FHL1: variants seen among roughly 807,000 people sequenced by gnomAD.
FHL1 encodes four and a half LIM domains 1, also known as four and a half LIM domains protein 1.
Under a neutral mutation model 20.3 loss-of-function variants are expected in FHL1, and 1 was observed. That is an observed-to-expected ratio of 0.05 (90% CI 0.02 to 0.23). FHL1 has a LOEUF of 0.23. Ranked by LOEUF, FHL1 falls within the 10% of genes least tolerant of loss-of-function variation. The pLI, the probability that FHL1 is intolerant of heterozygous loss-of-function variation, is 1.00. For missense variants in FHL1, 177 were observed against 234.0 expected, an observed-to-expected ratio of 0.76 and a Z score of 1.59; for synonymous variants, 82 against 88.9, an observed-to-expected ratio of 0.92 and a Z score of 0.44.
rs765783777 is a variant in FHL1, at chrX:136,169,941, T to G, written c.-66T>G. ...AAGTTGTTTTCAACCATATCCAGCC[T>G]TTGCCGAATACATCCTATCTGCCAC... On this transcript the variant is annotated 5_prime_UTR_variant, in exon 2 of 7. Coordinates refer to the FHL1 transcript ENST00000394153. 1.8e-5 allele frequency: 6 copies of G among 329,420 alleles called. No individual in the cohort carries two copies. In the East Asian group the frequency reaches 4.9e-4, roughly 27 times the overall value. The allele number at this position is 329,420 out of a possible 1,213,427, so 27.1% of individuals were successfully genotyped here.
chrX:136,207,342 C>T (rs1040740164), intron 3 of FHL1, 152 bp downstream of exon 3: 5 of 511,320 alleles, frequency 9.8e-6, no homozygotes, highest in Middle Eastern at 3.8e-4. Flanking sequence ...CGTATATATG[C>T]GTACACATAT....
intron 5 of FHL1, chrX:136,209,525 C>T: frequency 1.0e-6 from 1 of 994,054 alleles, no homozygotes. Flanking sequence ...ATCAAAGAAA[C>T]TGGTTATGCT....
Position 136,207,109 on chromosome X carries a change from GACA to G in FHL1, c.303_305del (p.Asn101del), listed in dbSNP as rs1237021594. 17 of 1,210,202 alleles carry G rather than the reference GACA, an allele frequency of 1.4e-5. No individual in the cohort carries two copies. The East Asian group carries it at 2.7e-4, about 19-fold the overall frequency. On this transcript the variant is annotated inframe_deletion, in exon 3 of 6. Transcript: ENST00000370683. ...GGCCAATGAGACCTTTGTGGCCAAGGACAACAAGATCCTGTGCAACAAGTGCAC... is the reference window on the plus strand; with the variant it reads ...GGCCAATGAGACCTTTGTGGCCAAGGACAAGATCCTGTGCAACAAGTGCAC...
upstream of FHL1, among the ~76,000 whole-genome samples, chrX:136,164,807 C>T (rs1012991274): frequency 3.6e-5 from 4 of 111,891 alleles, no homozygotes; most frequent in African/African-American, 1.3e-4. Flanking sequence ...TGCATATATT[C>T]CTATGCAAAG....
At chrX:136,152,267 A>G (rs1488237972) in intron 1 of FHL1, among the ~76,000 whole-genome samples, 1 of 112,000 alleles carries the variant, frequency 8.9e-6, no homozygotes, top group Non-Finnish European at 1.9e-5. Flanking sequence ...AGAGTGGGAG[A>G]TATTTGTTAA....
At chrX:136,175,908 A>T (rs758960048) in intron 2 of FHL1, among the ~76,000 whole-genome samples, 41 of 112,259 alleles carry the variant, frequency 3.7e-4, no homozygotes, top group African/African-American at 1.3e-3. Flanking sequence ...TTCCACTTTT[A>T]TGTACTTAAC....
At chrX:136,208,367 A>G (rs2148377790) in intron 4 of FHL1, 88 bp from the exon 5 acceptor site, 2 of 1,001,576 alleles carry the variant, frequency 2.0e-6, no homozygotes, top group South Asian at 3.8e-5. Flanking sequence ...ATTGTATACC[A>G]AAGCGCCCAG....
At chrX:136,173,090 A>ACT (rs1316086415) in intron 2 of FHL1, among the ~76,000 whole-genome samples, 1 of 112,730 alleles carries the variant, frequency 8.9e-6, no homozygotes, top group Admixed American at 9.4e-5. Context: ...TATCATAGAT[A>ACT]AACTTTATTA....
At chrX:136,165,674 CTTCTT>C (rs1160566684), upstream of FHL1, among the ~76,000 whole-genome samples, 4 of 111,915 alleles carry the variant, frequency 3.6e-5, no homozygotes, top group Non-Finnish European at 5.6e-5. Flanking sequence ...TGATTTGACT[CTTCTT>C]TTAAGTTCTT....
At chrX:136,152,971 A>G (rs1416047989) in intron 1 of FHL1, among the ~76,000 whole-genome samples, 6 of 111,831 alleles carry the variant, frequency 5.4e-5, no homozygotes, top group Non-Finnish European at 1.1e-4. Context: ...AGTTATGGAA[A>G]TCTGTGCTTA....
At chrX:136,209,016 T>C (rs1045494656) in intron 5 of FHL1, among the ~76,000 whole-genome samples, 5 of 108,914 alleles carry the variant, frequency 4.6e-5, no homozygotes, top group Non-Finnish European at 9.6e-5. Flanking sequence ...TAACCCGGGA[T>C]TGTAATACCC....
At chrX:136,187,851 T>C (rs2073346532) in intron 2 of FHL1, among the ~76,000 whole-genome samples, 1 of 112,043 alleles carries the variant, frequency 8.9e-6, no homozygotes, top group Non-Finnish European at 1.9e-5. Context: ...AATTTTATGA[T>C]ATATAAATTA....
chrX:136,210,838 A>G lies in FHL1; in HGVS notation c.*813A>G. 1 of 385,545 alleles carries G rather than the reference A, an allele frequency of 2.6e-6. No homozygotes were observed. Among genetic ancestry groups the G allele is most frequent in the South Asian group, 2.6e-5 (1 of 38,748 alleles). The allele number at this position is 385,545 out of a possible 1,213,427, so 31.8% of individuals were successfully genotyped here. ...AATTAATATTTTTGTTTTAATTGATAGCAAAATAGTTTATGGGTTTGGAAA... is the reference window on the plus strand; with the variant it reads ...AATTAATATTTTTGTTTTAATTGATGGCAAAATAGTTTATGGGTTTGGAAA... On this transcript the variant is annotated 3_prime_UTR_variant, in exon 6 of 6. Transcript: ENST00000370683.
intron 1 of FHL1, among the ~76,000 whole-genome samples, chrX:136,150,786 T>C (rs1002160920): frequency 6.2e-5 from 7 of 112,166 alleles, no homozygotes; most frequent in Non-Finnish European, 1.1e-4. Flanking sequence ...AAATGAAAAA[T>C]AGACAGTGAA....
intron 1 of FHL1, among the ~76,000 whole-genome samples, chrX:136,198,589 CAG>C (rs1603266310): frequency 8.9e-6 from 1 of 111,861 alleles, no homozygotes; most frequent in East Asian, 2.8e-4. Flanking sequence ...GTCCATGAGA[CAG>C]AGAAGTCCTC....
intron 1 of FHL1, among the ~76,000 whole-genome samples, chrX:136,157,629 C>G (rs1452378440): frequency 9.0e-6 from 1 of 110,851 alleles, no homozygotes; most frequent in Non-Finnish European, 1.9e-5. Flanking sequence ...TAACATTCTT[C>G]CCCCAGCCCC....
At chrX:136,170,242 T>C (rs1330693045) in intron 2 of FHL1, among the ~76,000 whole-genome samples, 1 of 112,244 alleles carries the variant, frequency 8.9e-6, no homozygotes, top group Non-Finnish European at 1.9e-5. Context: ...TTTGAATGTC[T>C]GCTTTAAAGT....
At chrX:136,176,051 T>C (rs1405548646) in intron 2 of FHL1, among the ~76,000 whole-genome samples, 1 of 112,364 alleles carries the variant, frequency 8.9e-6, no homozygotes, top group African/African-American at 3.2e-5. Context: ...TTGTGTTTCA[T>C]CATCCAGAGC....
rs748465220 is a variant in FHL1 at position 136,161,677 on chromosome X, A to G, written c.-100-8230A>G. On this transcript the variant is annotated intron_variant, in intron 1 of 7. Transcript: ENST00000394155. The stretch of plus-strand genomic sequence containing the variant: ...CTGCCCAGTTGCTGAATTGTAAGGA[A>G]ACAGTTCATGGAGCGCCAATGCCAA... Among the ~76,000 whole-genome samples the G allele has an allele frequency of 6.2e-5, 7 of 112,099 alleles. No individual in the cohort carries two copies. The South Asian group carries it at 2.6e-3, about 42-fold the overall frequency.
Sources: allele counts gnomAD v4.1 joint callset (sites outside exome capture counted in the v4.1 genomes callset), GRCh38; gene constraint gnomAD v4.1.1; transcripts MANE v1.5; gene names NCBI Gene and HGNC (gene_info 2026-07-23, HGNC 2026-07-21).